FBN1: variants seen among roughly 807,000 people sequenced by gnomAD.
The protein encoded by FBN1 is fibrillin-1.
A neutral mutation model predicts 365.1 loss-of-function variants in FBN1; 29 were observed. That is an observed-to-expected ratio of 0.08 (90% CI 0.06 to 0.11). The LOEUF is 0.11. FBN1 is among the 10% of genes least tolerant of loss of function. The pLI is 1.00. For missense variants in FBN1, 2,476 were observed against 3,703.2 expected (o/e 0.67, Z 8.60); for synonymous variants, 1,210 against 1,270.5 (o/e 0.95, Z 1.01).
At position 48,409,326 on chromosome 15, in the gene FBN1, T is replaced by C. The variant is rs1666031420; in HGVS notation, c.*1664A>G. 1 of 152,190 alleles carries C rather than the reference T, an allele frequency of 6.6e-6. No homozygotes were observed. The highest frequency in any genetic ancestry group is 1.5e-5 in the Non-Finnish European group (1 of 68,044). 9.4% of individuals were successfully genotyped at this position (152,190 alleles called of 1,614,324 possible). ...ACCCTGGTTTTGCCTTCCGGAATAG[T>C]ATGAGCCAAATCTACTCCATTTTTT... is the stretch of plus-strand genomic sequence containing the variant. On this transcript the variant is annotated 3_prime_UTR_variant, in exon 66 of 66. Transcript: ENST00000316623.
chr15:48,597,588 T>G (rs1319836785), intron 5 of FBN1, among the ~76,000 whole-genome samples: 3 of 152,214 alleles, frequency 2.0e-5, no homozygotes, highest in Non-Finnish European at 4.4e-5. Context: ...TTTCCTTTAT[T>G]CTTCACGGGT....
chr15:48,444,503 C>T (rs968419150), intron 49 of FBN1, 38 bp downstream of exon 49: 10 of 1,611,774 alleles, frequency 6.2e-6, no homozygotes, highest in African/African-American at 2.7e-5. Context: ...AGTGGACACC[C>T]GACACTCCTC....
rs2042882689 is a variant in FBN1 at position 48,413,958 on chromosome 15, G to A, written c.8052-1215C>T. ...ATGAAATATGTAGAAACAATACAAT[G>A]GATGAAGTGATAAATGCTCATCCTG... On this transcript the variant is annotated intron_variant, in intron 64 of 65. Transcript: ENST00000316623. 2.6e-5 allele frequency among the ~76,000 whole-genome samples: 4 copies of A among 152,150 alleles called. No homozygotes were observed. In the South Asian group the frequency reaches 8.3e-4, roughly 32 times the overall value.
At chr15:48,558,776 G>A (rs955846952) in intron 6 of FBN1, among the ~76,000 whole-genome samples, 2 of 152,198 alleles carry the variant, frequency 1.3e-5, no homozygotes, top group African/African-American at 4.8e-5. Context: ...GACAATCAAT[G>A]TTTATAATTC....
chr15:48,413,980 C>T (rs749497565), intron 64 of FBN1, among the ~76,000 whole-genome samples: 12 of 152,156 alleles, frequency 7.9e-5, no homozygotes, highest in Non-Finnish European at 1.5e-4. Context: ...AAATGCTCAT[C>T]CTGTGGGTGT....
intron 2 of FBN1, among the ~76,000 whole-genome samples, chr15:48,619,952 C>A (rs561724666): frequency 3.3e-5 from 5 of 151,450 alleles, no homozygotes; most frequent in African/African-American, 1.2e-4. Context: ...ATATGAATGC[C>A]AAATCAACAT....
At chr15:48,560,823 A>G (rs1401264996) in intron 6 of FBN1, among the ~76,000 whole-genome samples, 1 of 152,094 alleles carries the variant, frequency 6.6e-6, no homozygotes, top group African/African-American at 2.4e-5. Flanking sequence ...CGTCCCCTGC[A>G]TGCCACAGTG....
intron 29 of FBN1, 150 bp downstream of exon 29, chr15:48,486,924 AG>A: frequency 1.9e-6 from 1 of 519,700 alleles, no homozygotes; most frequent in Non-Finnish European, 2.9e-6. Context: ...GAAACAAGAA[AG>A]ATAAGTAAAA....
rs757059145 is a variant in FBN1 at position 48,499,050 on chromosome 15, T to G, written c.2114-12A>C. ...TGCCTGATATTCCGCTGCAATAAAT[T>G]AACAGATAGTAAATGATTCCCTTGT... On this transcript the variant is annotated splice_polypyrimidine_tract_variant and intron_variant, in intron 17 of 65. Coordinates refer to ENST00000316623, the MANE Select transcript of FBN1 (RefSeq NM_000138.5). The G allele has an allele frequency of 1.2e-6, 2 of 1,613,646 alleles. No homozygotes were observed. The highest frequency in any genetic ancestry group is 1.7e-6 in the Non-Finnish European group (2 of 1,179,652).
At chr15:48,443,544 G>C (rs998825060) in intron 49 of FBN1, among the ~76,000 whole-genome samples, 1 of 152,104 alleles carries the variant, frequency 6.6e-6, no homozygotes, top group Non-Finnish European at 1.5e-5. Flanking sequence ...TCAATAAGGT[G>C]TTTCCATTTT....
chr15:48,442,505 C>T (rs12595828), intron 49 of FBN1, among the ~76,000 whole-genome samples: 3,326 of 152,268 alleles, frequency 0.022, 69 homozygotes, highest in East Asian at 0.083. Flanking sequence ...ATCATATAGA[C>T]AATAGGAAAC....
chr15:48,460,346 G>T (rs374619028), intron 42 of FBN1, 29 bp from the exon 43 acceptor site: 20 of 1,406,530 alleles, frequency 1.4e-5, no homozygotes, highest in Admixed American at 6.7e-5. Flanking sequence ...GGTGGGATGG[G>T]AGGATAGGGG....
chr15:48,471,380 GAACA>G (rs2043375835), intron 35 of FBN1, among the ~76,000 whole-genome samples: 1 of 152,004 alleles, frequency 6.6e-6, no homozygotes, highest in African/African-American at 2.4e-5. Flanking sequence ...TTTATATTAA[GAACA>G]AACAAACAAA....
intron 2 of FBN1, among the ~76,000 whole-genome samples, chr15:48,635,633 A>C (rs2140772168): frequency 6.6e-6 from 1 of 152,372 alleles, no homozygotes; most frequent in South Asian, 2.1e-4. Context: ...AACATACCAA[A>C]GTTAATAAAT....
chr15:48,472,450 C>G, intron 35 of FBN1, 101 bp downstream of exon 35: 5 of 1,458,934 alleles, frequency 3.4e-6, no homozygotes, highest in East Asian at 2.3e-5. Context: ...CTAAAACACA[C>G]CTCAGTTTAA....
chr15:48,614,882 A>G (rs902939614), intron 2 of FBN1, among the ~76,000 whole-genome samples: 2 of 152,224 alleles, frequency 1.3e-5, no homozygotes, highest in African/African-American at 4.8e-5. Flanking sequence ...TTACTCAGCC[A>G]GTGGAAACAC....
intron 6 of FBN1, among the ~76,000 whole-genome samples, chr15:48,594,419 G>C (rs915435096): frequency 3.9e-5 from 6 of 152,082 alleles, no homozygotes; most frequent in Non-Finnish European, 1.5e-5. Context: ...ATCACCACTG[G>C]GAAAATTCTA....
At chr15:48,469,910 C>G (rs941756198) in intron 36 of FBN1, among the ~76,000 whole-genome samples, 6 of 152,074 alleles carry the variant, frequency 3.9e-5, no homozygotes, top group Non-Finnish European at 8.8e-5. Flanking sequence ...TGGTCATGAT[C>G]TGGAGAGCCC....
At chr15:48,511,488 T>G (rs1296143296) in intron 13 of FBN1, among the ~76,000 whole-genome samples, 1 of 151,938 alleles carries the variant, frequency 6.6e-6, no homozygotes, top group Non-Finnish European at 1.5e-5. Context: ...GGATAAAAAG[T>G]TCATATTTTT....
Sources: allele counts gnomAD v4.1 joint callset (sites outside exome capture counted in the v4.1 genomes callset), GRCh38; gene constraint gnomAD v4.1.1; transcripts MANE v1.5; gene names NCBI Gene and HGNC (gene_info 2026-07-23, HGNC 2026-07-21).